The following PLCH1 variants were observed in gnomAD, a reference collection of about 807,000 sequenced individuals.
PLCH1 encodes the protein phospholipase C eta 1, also known as 1-phosphatidylinositol 4,5-bisphosphate phosphodiesterase eta-1.
In PLCH1, 60 loss-of-function variants were observed where a neutral mutation model predicts 126.7. The observed-to-expected ratio is 0.47, with a 90% CI of 0.38 to 0.59. PLCH1 has a LOEUF of 0.59. Among genes scored for constraint, PLCH1 ranks in the 20% least tolerant of loss-of-function variants. The pLI is 0.00. For missense variants in PLCH1, 1,723 were observed against 2,040.0 expected (o/e 0.84, Z 2.99); for synonymous variants, 719 against 734.9 (o/e 0.98, Z 0.35).
chr3:155,458,438 G>GAAAGAAAGA (rs1305626924), intron 21 of PLCH1, among the ~76,000 whole-genome samples: 1 of 83,594 alleles, frequency 1.2e-5, no homozygotes, highest in Non-Finnish European at 2.1e-5. Flanking sequence ...AGGAAGGAAG[G>GAAAGAAAGA]AAGGAAGGAA....
intron 2 of PLCH1, among the ~76,000 whole-genome samples, chr3:155,630,970 A>G (rs1737949667): frequency 6.6e-6 from 1 of 152,212 alleles, no homozygotes; most frequent in South Asian, 2.1e-4. Flanking sequence ...GGAATTTAAG[A>G]TATTCTTTTA....
At position 155,554,283 on chromosome 3, in the gene PLCH1, A is replaced by T; in HGVS notation, c.1070-87T>A. On this transcript the variant is annotated intron_variant, in intron 8 of 22. Transcript: ENST00000460012. ...GAAATACCAGACACATATTAAGTCC[A>T]TTATCTGAAATTATACCCATTTCAA... The T allele has an allele frequency of 5.8e-6, 7 of 1,212,500 alleles. No homozygotes were observed. In the South Asian group the frequency reaches 1.0e-4, roughly 18 times the overall value. The allele number at this position is 1,212,500 out of a possible 1,614,324, so 75.1% of individuals were successfully genotyped here. A position where few individuals can be genotyped will look rare whatever the true frequency, so the allele number is the denominator to read the frequency against.
chr3:155,724,435 A>C (rs1433914478), intron 1 of PLCH1, among the ~76,000 whole-genome samples: 11 of 152,268 alleles, frequency 7.2e-5, no homozygotes, highest in Non-Finnish European at 1.3e-4. Flanking sequence ...TGTCAGGTGC[A>C]TATATATTTA....
intron 19 of PLCH1, among the ~76,000 whole-genome samples, chr3:155,489,684 A>C (rs60465941): frequency 0.012 from 1,812 of 152,326 alleles, 37 homozygotes; most frequent in African/African-American, 0.041. Flanking sequence ...CTCAAATACT[A>C]AAATGCAAAA....
At chr3:155,637,260 CTCAG>C (rs1456450116) in intron 2 of PLCH1, among the ~76,000 whole-genome samples, 12 of 152,150 alleles carry the variant, frequency 7.9e-5, no homozygotes, top group Middle Eastern at 3.2e-3. Context: ...TTAATGAGCC[CTCAG>C]TCAGAGGTCC....
chr3:155,519,231 C>T (rs1391452549), intron 11 of PLCH1, among the ~76,000 whole-genome samples: 2 of 152,184 alleles, frequency 1.3e-5, no homozygotes, highest in African/African-American at 2.4e-5. Context: ...GGGACCACAG[C>T]TGAAAGCCAT....
chr3:155,631,143 T>C (rs116268438), intron 2 of PLCH1, among the ~76,000 whole-genome samples: 1,646 of 152,302 alleles, frequency 0.011, 32 homozygotes, highest in African/African-American at 0.038. Flanking sequence ...GCCACAGCAA[T>C]GCATTAAGGG....
At chr3:155,468,709 T>C (rs1251501326) in intron 21 of PLCH1, among the ~76,000 whole-genome samples, 1 of 152,094 alleles carries the variant, frequency 6.6e-6, no homozygotes, top group Non-Finnish European at 1.5e-5. Flanking sequence ...TTTAAACATA[T>C]ATATAACAAA....
intron 2 of PLCH1, among the ~76,000 whole-genome samples, chr3:155,664,843 G>C (rs778947492): frequency 1.6e-4 from 24 of 152,062 alleles, no homozygotes; most frequent in Non-Finnish European, 3.4e-4. Flanking sequence ...GAAAACTAAG[G>C]CTCAAATAAA....
chr3:155,732,262 C>A (rs1748828794), intron 1 of PLCH1, among the ~76,000 whole-genome samples: 1 of 151,650 alleles, frequency 6.6e-6, no homozygotes, highest in South Asian at 2.1e-4. Flanking sequence ...ATGCAATGAA[C>A]CAAATTTAAA....
intron 22 of PLCH1, among the ~76,000 whole-genome samples, chr3:155,483,575 C>A (rs1483421358): frequency 6.6e-6 from 1 of 152,032 alleles, no homozygotes; most frequent in African/African-American, 2.4e-5. Flanking sequence ...CAATTAATTT[C>A]TAAAATAATT....
At chr3:155,554,328 C>G in intron 8 of PLCH1, 132 bp from the exon 9 acceptor site, 1 of 790,026 alleles carries the variant, frequency 1.3e-6, no homozygotes, top group Non-Finnish European at 2.0e-6. Flanking sequence ...AGACGTGACA[C>G]AGACACAGAA....
chr3:155,620,643 A>G (rs1414943501), intron 2 of PLCH1, among the ~76,000 whole-genome samples: 1 of 152,170 alleles, frequency 6.6e-6, no homozygotes, highest in Non-Finnish European at 1.5e-5. Context: ...GGAAAGTGGG[A>G]GTTGTATAAG....
intron 2 of PLCH1, among the ~76,000 whole-genome samples, chr3:155,660,892 C>G (rs1742055580): frequency 6.6e-6 from 1 of 152,046 alleles, no homozygotes; most frequent in Non-Finnish European, 1.5e-5. Flanking sequence ...TGAAATTTAC[C>G]AAATAACAAA....
chr3:155,719,592 T>G (rs1292419377), intron 1 of PLCH1, among the ~76,000 whole-genome samples: 1 of 152,060 alleles, frequency 6.6e-6, no homozygotes, highest in Non-Finnish European at 1.5e-5. Context: ...AGGTTGCTTG[T>G]GGAGTGAATT....
At chr3:155,649,207 C>T (rs1282084340) in intron 2 of PLCH1, among the ~76,000 whole-genome samples, 1 of 152,158 alleles carries the variant, frequency 6.6e-6, no homozygotes, top group Non-Finnish European at 1.5e-5. Flanking sequence ...GGGCCCTGCT[C>T]AACCAGTAAC....
At chr3:155,712,515 T>G (rs556738724) in intron 1 of PLCH1, among the ~76,000 whole-genome samples, 2 of 152,060 alleles carry the variant, frequency 1.3e-5, no homozygotes, top group Non-Finnish European at 2.9e-5. Flanking sequence ...ATTATCCCAG[T>G]TCATATATGG....
At chr3:155,511,628 G>T (rs543709571) in intron 12 of PLCH1, among the ~76,000 whole-genome samples, 1 of 140,530 alleles carries the variant, frequency 7.1e-6, no homozygotes, top group East Asian at 2.0e-4. Flanking sequence ...GTGTCAGTGT[G>T]CCCCTGCTGG....
At chr3:155,515,994 C>T (rs1357661774) in intron 11 of PLCH1, among the ~76,000 whole-genome samples, 2 of 152,126 alleles carry the variant, frequency 1.3e-5, no homozygotes, top group Non-Finnish European at 2.9e-5. Flanking sequence ...ATTATAAATG[C>T]CCTAAGGAAA....
Sources: allele counts gnomAD v4.1 joint callset (sites outside exome capture counted in the v4.1 genomes callset), GRCh38; gene constraint gnomAD v4.1.1; transcripts MANE v1.5; gene names NCBI Gene and HGNC (gene_info 2026-07-23, HGNC 2026-07-21).